Variants in CREB5 observed in about 807,000 individuals in gnomAD.
CREB5 encodes the protein cyclic AMP-responsive element-binding protein 5.
Under a neutral mutation model 57.1 loss-of-function variants are expected in CREB5, and 19 were observed. The observed-to-expected ratio is 0.33, with a 90% CI of 0.23 to 0.49. The LOEUF is 0.49. CREB5 is among the 20% of genes least tolerant of loss of function. The probability of loss-of-function intolerance (pLI) is 0.99; values close to 1 mark genes in which losing one functional copy is unlikely to be tolerated. For missense variants in CREB5, 579 were observed against 671.6 expected, an observed-to-expected ratio of 0.86 and a Z score of 1.52; for synonymous variants, 238 against 238.3, an observed-to-expected ratio of 1.00 and a Z score of 0.01.
At chr7:28,325,516 G>A (rs1331136961) in intron 1 of CREB5, among the ~76,000 whole-genome samples, 1 of 151,952 alleles carries the variant, frequency 6.6e-6, no homozygotes, top group East Asian at 1.9e-4. Context: ...TTCCCTTGAT[G>A]CTGGGAATAA....
intron 5 of CREB5, among the ~76,000 whole-genome samples, chr7:28,672,861 C>T (rs1385089895): frequency 6.6e-6 from 1 of 152,232 alleles, no homozygotes; most frequent in Non-Finnish European, 1.5e-5. Context: ...TGCTCCAACA[C>T]TGTGTGAGAT....
intron 1 of CREB5, among the ~76,000 whole-genome samples, chr7:28,453,451 A>G (rs1789930960): frequency 6.6e-6 from 1 of 152,192 alleles, no homozygotes; most frequent in South Asian, 2.1e-4. Flanking sequence ...AACAACAACA[A>G]CAACAAAACC....
chr7:28,571,887 T>C (rs1041479610), intron 5 of CREB5, among the ~76,000 whole-genome samples: 2 of 152,220 alleles, frequency 1.3e-5, no homozygotes, highest in Non-Finnish European at 2.9e-5. Flanking sequence ...TGCTCTATGC[T>C]TCCAGAATTC....
At chr7:28,390,443 T>C (rs1457396545) in intron 1 of CREB5, among the ~76,000 whole-genome samples, 4 of 152,254 alleles carry the variant, frequency 2.6e-5, no homozygotes, top group Admixed American at 6.5e-5. Context: ...AATATGTTAC[T>C]GATCACTTGC....
Position 28,639,687 on chromosome 7 carries a change from G to T in CREB5, c.464+69150G>T, listed in dbSNP as rs377421456. ...GACAGTCATCAAGAACAGACCTCAA[G>T]GAGCCCTGAAATCATGTCTTATCTG... On this transcript the variant is annotated intron_variant, in intron 5 of 10. Coordinates refer to ENST00000357727, the MANE Select transcript of CREB5 (RefSeq NM_182898.4). 1.6e-4 allele frequency among the ~76,000 whole-genome samples: 24 copies of T among 152,216 alleles called. 2 individuals carry two copies. Among genetic ancestry groups the T allele is most frequent in the African/African-American group, 5.8e-4 (24 of 41,538 alleles).
intron 1 of CREB5, among the ~76,000 whole-genome samples, chr7:28,373,649 C>G (rs768640974): frequency 2.6e-5 from 4 of 151,804 alleles, no homozygotes; most frequent in Non-Finnish European, 5.9e-5. Flanking sequence ...TGGTCTCCAA[C>G]TCCTGGGCTC....
chr7:28,546,711 G>A (rs752675586), intron 4 of CREB5, among the ~76,000 whole-genome samples: 1 of 152,152 alleles, frequency 6.6e-6, no homozygotes, highest in Non-Finnish European at 1.5e-5. Flanking sequence ...CTATTTTTAT[G>A]AGCAATTCTC....
intron 5 of CREB5, among the ~76,000 whole-genome samples, chr7:28,593,570 A>G (rs2128665502): frequency 6.6e-6 from 1 of 152,336 alleles, no homozygotes. Context: ...TTATACACAC[A>G]TAGAAGATGC....
At chr7:28,811,832 T>C (rs2128806172) in intron 9 of CREB5, among the ~76,000 whole-genome samples, 1 of 152,348 alleles carries the variant, frequency 6.6e-6, no homozygotes, top group Admixed American at 6.5e-5. Flanking sequence ...AGTTCTTGTA[T>C]ATGTGAACCT....
chr7:28,695,622 T>A (rs1163046618), intron 5 of CREB5, among the ~76,000 whole-genome samples: 1 of 152,178 alleles, frequency 6.6e-6, no homozygotes, highest in Admixed American at 6.5e-5. Context: ...TGGGCCCTAA[T>A]AGCATTGGGG....
chr7:28,360,994 C>T (rs970537160), intron 1 of CREB5, among the ~76,000 whole-genome samples: 8 of 152,004 alleles, frequency 5.3e-5, no homozygotes, highest in South Asian at 2.1e-4. Context: ...AGATAGGGGC[C>T]AGGGATGCTG....
intron 1 of CREB5, among the ~76,000 whole-genome samples, chr7:28,312,366 A>C (rs1374482402): frequency 6.6e-6 from 1 of 151,924 alleles, no homozygotes; most frequent in Non-Finnish European, 1.5e-5. Flanking sequence ...CATGATACCT[A>C]CTCGGATTTC....
At position 28,464,493 on chromosome 7, in the gene CREB5, TTGCG is replaced by T. The variant is rs138527253; in HGVS notation, c.4-23679_4-23676del. Reference sequence around the variant, plus strand: ...GGCCTGATCTCTCCTTTGTGGAAAGTTGCGTGTGTGTGTGTGTGTGTGTGTGTGT... The same window carrying T: ...GGCCTGATCTCTCCTTTGTGGAAAGTTGTGTGTGTGTGTGTGTGTGTGTGT... On this transcript the variant is annotated intron_variant, in intron 1 of 10. Transcript: ENST00000357727. Among the ~76,000 whole-genome samples, 1,022 of 107,822 alleles carry T rather than the reference TTGCG, an allele frequency of 9.5e-3. 12 individuals are homozygous for T. The highest frequency in any genetic ancestry group is 0.032 in the African/African-American group (875 of 27,406). 70.7% of individuals were successfully genotyped at this position (107,822 alleles called of 152,430 possible). A position where few individuals can be genotyped will look rare whatever the true frequency, so the allele number is the denominator to read the frequency against.
intron 1 of CREB5, among the ~76,000 whole-genome samples, chr7:28,486,843 G>A (rs1791576800): frequency 1.3e-5 from 2 of 151,222 alleles, no homozygotes. Flanking sequence ...GGTGGCTCAT[G>A]CTTGTAATCC....
intron 1 of CREB5, among the ~76,000 whole-genome samples, chr7:28,357,334 T>G (rs1485577562): frequency 6.6e-6 from 1 of 152,230 alleles, no homozygotes; most frequent in South Asian, 2.1e-4. Flanking sequence ...AAAGGGTTTC[T>G]GAGTTTCCTT....
At chr7:28,657,588 G>A (rs1799380252) in intron 5 of CREB5, among the ~76,000 whole-genome samples, 1 of 151,988 alleles carries the variant, frequency 6.6e-6, no homozygotes, top group South Asian at 2.1e-4. Context: ...AATTAGCCAG[G>A]TGCCTGCAGA....
chr7:28,515,117 T>C (rs1792888596), intron 4 of CREB5, among the ~76,000 whole-genome samples: 1 of 152,248 alleles, frequency 6.6e-6, no homozygotes, highest in Non-Finnish European at 1.5e-5. Context: ...TGAATTAATG[T>C]CCATTAAATA....
chr7:28,591,926 CTGAGATTTCCAATTGAAT>C (rs879506307), intron 5 of CREB5, among the ~76,000 whole-genome samples: 78 of 152,124 alleles, frequency 5.1e-4, no homozygotes, highest in Non-Finnish European at 1.0e-3. Context: ...AGGGGGTATT[CTGAGATTTCCAATTGAAT>C]TGAATTTGGA....
intron 1 of CREB5, among the ~76,000 whole-genome samples, chr7:28,464,497 G>A (rs1164042835): frequency 1.1e-4 from 1 of 9,048 alleles, no homozygotes; most frequent in Non-Finnish European, 2.1e-4. Flanking sequence ...GGAAAGTTGC[G>A]TGTGTGTGTG....
Sources: gnomAD v4.1 joint callset for allele counts (sites outside exome capture counted in the v4.1 genomes callset) on GRCh38, gnomAD v4.1.1 for gene constraint, MANE v1.5 for transcripts, NCBI Gene and HGNC (gene_info 2026-07-23, HGNC 2026-07-21) for gene names.